The following DCAF5 variants were observed in gnomAD, a reference collection of about 807,000 sequenced individuals.
DCAF5 encodes DDB1 and CUL4 associated factor 5.
In DCAF5, 9 loss-of-function variants were observed where a neutral mutation model predicts 80.7. The ratio of observed to expected loss-of-function variants is 0.11; its 90% confidence interval spans 0.07 to 0.19. The LOEUF is 0.19. Among genes scored for constraint, DCAF5 ranks in the 10% least tolerant of loss-of-function variants. DCAF5 has a pLI of 1.00. For missense variants in DCAF5, 842 were observed against 1,205.7 expected (o/e 0.70, Z 4.47); for synonymous variants, 433 against 461.9 (o/e 0.94, Z 0.80).
At position 69,152,228 on chromosome 14, in the gene DCAF5, C is replaced by T. The variant is rs557260774; in HGVS notation, c.214+537G>A. On this transcript the variant is annotated intron_variant, in intron 1 of 8. Transcript: ENST00000341516. The surrounding 1 kb of genome is among the most constrained non-coding windows in gnomAD (Gnocchi z 4.1). The stretch of plus-strand genomic sequence containing the variant: ...CGACCCTACCGCCCCAGTCACTTCC[C>T]CTCTGCAGACCCCGCCAGCCCCCGG... 1.3e-5 allele frequency among the ~76,000 whole-genome samples: 2 copies of T among 152,274 alleles called. No individual in the cohort carries two copies. The highest frequency in any genetic ancestry group is 6.5e-5 in the Admixed American group (1 of 15,304).
At chr14:69,122,086 A>G in intron 2 of DCAF5, 131 bp downstream of exon 2, 1 of 1,087,356 alleles carries the variant, frequency 9.2e-7, no homozygotes, top group Admixed American at 2.3e-5. Context: ...TGCAGAAAAG[A>G]CAAGCTATGA....
intron 1 of DCAF5, among the ~76,000 whole-genome samples, chr14:69,149,101 C>T (rs1025062450): frequency 2.6e-4 from 40 of 152,200 alleles, no homozygotes; most frequent in Admixed American, 1.3e-4. Context: ...AGAGGCCTGG[C>T]GCTCTGTTCA....
At chr14:69,109,685 T>C (rs2040287587) in intron 5 of DCAF5, among the ~76,000 whole-genome samples, 1 of 152,384 alleles carries the variant, frequency 6.6e-6, no homozygotes, top group South Asian at 2.1e-4. Flanking sequence ...TTCTATTGTA[T>C]GGCTATTCCA....
At chr14:69,131,013 A>G (rs2041023501) in intron 1 of DCAF5, among the ~76,000 whole-genome samples, 1 of 152,212 alleles carries the variant, frequency 6.6e-6, no homozygotes, top group Admixed American at 6.5e-5. Context: ...AGTGTGATAT[A>G]TATTAGGTGC....
chr14:69,148,227 T>C (rs1055423440), intron 1 of DCAF5, among the ~76,000 whole-genome samples: 8 of 151,372 alleles, frequency 5.3e-5, no homozygotes, highest in African/African-American at 1.9e-4. Context: ...ACCTAAAGGG[T>C]AAACCCAAGA....
At chr14:69,109,364 A>G (rs1209618822) in intron 5 of DCAF5, among the ~76,000 whole-genome samples, 6 of 152,042 alleles carry the variant, frequency 3.9e-5, no homozygotes, top group Non-Finnish European at 1.5e-5. Context: ...GATACAACAT[A>G]ATATGATAAC....
At position 69,054,070 on chromosome 14, in the gene DCAF5, C is replaced by A; in HGVS notation, c.2616G>T (p.Ser872=). ...TGTGTAGGAGTGTCCCTGTCAGGGA[C>A]GAGTTATCACGGTCAGTGTCTGAGT... ...PGHSDTDRDN[S]SLTGTLLHKD... is the part of the protein sequence containing the mutation. The change falls in exon 9 of 9, where the codon TCG becomes TCT. Residue 872 remains serine (S), a synonymous_variant. Transcript: ENST00000341516. 1 of 1,614,096 alleles carries A rather than the reference C, an allele frequency of 6.2e-7. No individual in the cohort carries two copies. Among genetic ancestry groups the A allele is most frequent in the Non-Finnish European group, 8.5e-7 (1 of 1,179,980 alleles).
At position 69,118,972 on chromosome 14, in the gene DCAF5, G is replaced by A. The variant is rs2040621829; in HGVS notation, c.395+222C>T. Reference sequence around the variant, plus strand: ...CTTGTTTTAAATTTTCACCTAAAAAGTACACTCTCATACCAACTTTCAAAA... The same window carrying A: ...CTTGTTTTAAATTTTCACCTAAAAAATACACTCTCATACCAACTTTCAAAA... On this transcript the variant is annotated intron_variant, in intron 3 of 8. Transcript: ENST00000341516. This position sits in a 1 kb window ranked among gnomAD's most constrained non-coding sequence, Gnocchi z 4.0. 1 of 517,514 alleles carries A rather than the reference G, an allele frequency of 1.9e-6. No individual in the cohort carries two copies. The highest frequency in any genetic ancestry group is 3.1e-5 in the South Asian group (1 of 31,926). 32.1% of individuals were successfully genotyped at this position (517,514 alleles called of 1,614,324 possible).
At chr14:69,099,485 C>T (rs763993984) in intron 5 of DCAF5, among the ~76,000 whole-genome samples, 35 of 151,842 alleles carry the variant, frequency 2.3e-4, no homozygotes, top group Non-Finnish European at 4.4e-4. Flanking sequence ...CTGTGGTCCA[C>T]AGTGATTTAT....
intron 5 of DCAF5, among the ~76,000 whole-genome samples, chr14:69,095,729 A>G (rs149331561): frequency 4.3e-4 from 66 of 152,350 alleles, no homozygotes; most frequent in Non-Finnish European, 7.6e-4. Context: ...TAGGGAATTG[A>G]AAAAGCTTCC....
At chr14:69,125,426 G>GA (rs1280274768) in intron 1 of DCAF5, among the ~76,000 whole-genome samples, 1 of 152,174 alleles carries the variant, frequency 6.6e-6, no homozygotes, top group Non-Finnish European at 1.5e-5. Context: ...AAGATGCAAA[G>GA]AATTTCTACA....
chr14:69,055,886 GC>G lies in DCAF5; in HGVS notation c.1075-276del, dbSNP rs1253179293. On this transcript the variant is annotated intron_variant, in intron 8 of 8. Coordinates refer to ENST00000341516, the MANE Select transcript of DCAF5 (RefSeq NM_003861.3). The surrounding 1 kb of genome is among the most constrained non-coding windows in gnomAD (Gnocchi z 5.6). ...AGACCTACCTAAGTCCTGTCTCTTG[GC>G]CCAGGGTAATCACATACTTTCTCCA... Among the ~76,000 whole-genome samples the G allele has an allele frequency of 6.6e-6, 1 of 152,114 alleles. No homozygotes were observed. The highest frequency in any genetic ancestry group is 1.5e-5 in the Non-Finnish European group (1 of 68,036).
At chr14:69,072,960 A>G (rs1334852559) in intron 7 of DCAF5, among the ~76,000 whole-genome samples, 2 of 152,230 alleles carry the variant, frequency 1.3e-5, no homozygotes, top group Admixed American at 6.5e-5. Context: ...CTATGTGGAA[A>G]GTATTAACAG....
rs2037846351 is a variant in DCAF5, at chr14:69,053,972, G to A, written c.2714C>T (p.Pro905Leu). 5 of 1,612,934 alleles carry A rather than the reference G, an allele frequency of 3.1e-6. No homozygotes were observed. Among genetic ancestry groups the A allele is most frequent in the Non-Finnish European group, 4.2e-6 (5 of 1,179,458 alleles). The change falls in exon 9 of 9, where the codon CCA becomes CTA. Residue 905 changes from proline (P) to leucine (L), a missense_variant. This residue lies in a region of DCAF5 where 607 missense variants were observed against 656.6 expected (regional missense o/e 0.92). Coordinates refer to ENST00000341516, the MANE Select transcript of DCAF5 (RefSeq NM_003861.3). ...AGTREDPTDTPATDSSRAVHG... is the reference protein window; with the variant it reads ...AGTREDPTDTLATDSSRAVHG... ...AACAGCCCTGCTACTATCTGTGGCTGGGGTGTCAGTGGGGTCCTCTCTTGT... is the reference window on the plus strand; with the variant it reads ...AACAGCCCTGCTACTATCTGTGGCTAGGGTGTCAGTGGGGTCCTCTCTTGT...
At chr14:69,146,628 T>C (rs1313339651) in intron 1 of DCAF5, among the ~76,000 whole-genome samples, 2 of 152,174 alleles carry the variant, frequency 1.3e-5, no homozygotes, top group Non-Finnish European at 2.9e-5. Context: ...TAAAAGGTCA[T>C]GAAATGTTAC....
chr14:69,068,126 C>T (rs116769655), intron 7 of DCAF5, among the ~76,000 whole-genome samples: 2 of 152,288 alleles, frequency 1.3e-5, no homozygotes, highest in East Asian at 1.9e-4. Flanking sequence ...ACTTTTACAT[C>T]GAGTGCATAT....
chr14:69,057,817 G>C (rs929666560), intron 8 of DCAF5, among the ~76,000 whole-genome samples: 1 of 152,100 alleles, frequency 6.6e-6, no homozygotes, highest in African/African-American at 2.4e-5. Flanking sequence ...CTAAGATTCA[G>C]AGCAAAACAA....
chr14:69,074,333 C>T (rs1158304578), intron 7 of DCAF5, among the ~76,000 whole-genome samples: 4 of 151,940 alleles, frequency 2.6e-5, no homozygotes, highest in Non-Finnish European at 5.9e-5. Context: ...TTAGGTAACA[C>T]TCATTGAGCA....
At chr14:69,089,414 G>A (rs746984512) in intron 6 of DCAF5, 1 of 152,182 alleles carries the variant, frequency 6.6e-6, no homozygotes, top group Non-Finnish European at 1.5e-5. Flanking sequence ...TAGATTCAAT[G>A]ACTTTGCATC....
Sources: gnomAD v4.1 joint callset for allele counts (sites outside exome capture counted in the v4.1 genomes callset) on GRCh38, gnomAD v4.1.1 for gene constraint, gnomAD v4.1.1 regional missense constraint, Gnocchi (gnomAD v3.1) non-coding constraint, MANE v1.5 for transcripts, NCBI Gene and HGNC (gene_info 2026-07-23, HGNC 2026-07-21) for gene names.